TRAPPC10: variants seen among roughly 807,000 people sequenced by gnomAD.
TRAPPC10 encodes trafficking protein particle complex subunit 10.
A neutral mutation model predicts 125.5 loss-of-function variants in TRAPPC10; 23 were observed. The observed-to-expected ratio is 0.18, with a 90% confidence interval of 0.13 to 0.26. The LOEUF (loss-of-function observed/expected upper bound fraction) is 0.26, where lower values mean the gene tolerates loss of function less well. Among genes scored for constraint, TRAPPC10 ranks in the 10% least tolerant of loss-of-function variants. TRAPPC10 has a pLI of 1.00. For missense variants in TRAPPC10, 1,123 were observed against 1,308.4 expected (o/e 0.86, Z 2.19); for synonymous variants, 509 against 518.0 (o/e 0.98, Z 0.24).
chr21:44,036,606 A>G (rs2283640), intron 2 of TRAPPC10, among the ~76,000 whole-genome samples: 27,359 of 152,144 alleles, frequency 0.18, 3,110 homozygotes, highest in Non-Finnish European at 0.24. Context: ...GTGAATACAA[A>G]TATTTTCAGA....
In TRAPPC10 at chr21:44,092,000, G is replaced by A. The variant is rs267606147; in HGVS notation, c.2948G>A (p.Gly983Asp). The A allele has an allele frequency of 3.7e-6, 6 of 1,614,156 alleles. No homozygotes were observed. The highest frequency in any genetic ancestry group is 5.1e-6 in the Non-Finnish European group (6 of 1,180,024). Reference protein sequence around the residue: ...QLSDSYLVDTGDSTDLQLVPL... With the variant: ...QLSDSYLVDTDDSTDLQLVPL... The stretch of plus-strand genomic sequence containing the variant: ...TCAGATAGTTATCTTGTAGATACCG[G>A]TGATAGTACCGACCTGCAACTAGTA... The change falls in exon 19 of 23, where the codon GGT becomes GAT. Residue 983 changes from glycine to aspartate, a missense_variant. Coordinates refer to ENST00000291574, the MANE Select transcript of TRAPPC10 (RefSeq NM_003274.5).
intron 1 of TRAPPC10, among the ~76,000 whole-genome samples, chr21:44,026,713 C>T (rs114487281): frequency 9.4e-4 from 143 of 152,276 alleles, no homozygotes; most frequent in African/African-American, 3.2e-3. Flanking sequence ...ATCATGGAAC[C>T]TTGCTTGGAG....
Position 44,059,103 on chromosome 21 carries a change from G to T in TRAPPC10, c.679G>T (p.Glu227Ter), listed in dbSNP as rs1355082085. The change falls in exon 6 of 23, where the codon GAG becomes TAG. Residue 227 changes from glutamate (E) to a stop codon, truncating the protein, a stop_gained and splice_region_variant. Coordinates refer to ENST00000291574, the MANE Select transcript of TRAPPC10 (RefSeq NM_003274.5). LOFTEE classifies it high-confidence loss of function. The surrounding 1 kb of genome is among the most constrained non-coding windows in gnomAD (Gnocchi z 4.4). The stretch of plus-strand genomic sequence containing the variant: ...TAAAAAACGTATCTTGGGCGAATAG[G>T]AGGAGCTTGCCTTTGTTTTCGAGAT... Reference protein sequence around the residue: ...WSFCEYFMVQEELAFVFEMLQ... With the variant: ...WSFCEYFMVQ The T allele has an allele frequency of 1.3e-6, 2 of 1,587,168 alleles. No homozygotes were observed. The highest frequency in any genetic ancestry group is 1.4e-5 in the African/African-American group (1 of 73,428).
chr21:44,057,194 A>G lies in TRAPPC10; in HGVS notation c.678+1301A>G, dbSNP rs1482628628. ...AGAGGGAGAATGGGAATGAGTGTTTAATAAAGGACAGAGGTTCCGTTTGGG... is the reference window on the plus strand; with the variant it reads ...AGAGGGAGAATGGGAATGAGTGTTTGATAAAGGACAGAGGTTCCGTTTGGG... On this transcript the variant is annotated intron_variant, in intron 5 of 22. Coordinates refer to ENST00000291574, the MANE Select transcript of TRAPPC10 (RefSeq NM_003274.5). Among the ~76,000 whole-genome samples the G allele has an allele frequency of 2.0e-5, 3 of 152,108 alleles. No homozygotes were observed. The East Asian group carries it at 5.8e-4, about 29-fold the overall frequency.
intron 7 of TRAPPC10, among the ~76,000 whole-genome samples, chr21:44,068,565 AG>A (rs922645245): frequency 6.6e-6 from 1 of 152,188 alleles, no homozygotes; most frequent in African/African-American, 2.4e-5. Flanking sequence ...CCATAGTCCA[AG>A]GGAAAAGACG....
intron 1 of TRAPPC10, among the ~76,000 whole-genome samples, chr21:44,030,360 A>G (rs1410514491): frequency 1.3e-5 from 2 of 152,230 alleles, no homozygotes; most frequent in Non-Finnish European, 1.5e-5. Flanking sequence ...ATTTTTATAC[A>G]TTAATCTTGG....
intron 17 of TRAPPC10, chr21:44,088,656 A>T (rs2038314739): frequency 6.4e-6 from 1 of 155,652 alleles, no homozygotes; most frequent in East Asian, 1.9e-4. Context: ...ACTCACACAG[A>T]CGTTCACCAT....
At chr21:44,076,964 T>C (rs1473623119) in intron 10 of TRAPPC10, among the ~76,000 whole-genome samples, 1 of 152,228 alleles carries the variant, frequency 6.6e-6, no homozygotes, top group African/African-American at 2.4e-5. Context: ...AGCTATTGTA[T>C]TTGATTTTGA....
At chr21:44,090,726 C>T (rs1257182365) in intron 18 of TRAPPC10, among the ~76,000 whole-genome samples, 1 of 152,158 alleles carries the variant, frequency 6.6e-6, no homozygotes, top group African/African-American at 2.4e-5. Flanking sequence ...GGCCTCTCAC[C>T]ACAACTTTTT....
chr21:44,026,348 A>G (rs1331068201), intron 1 of TRAPPC10, among the ~76,000 whole-genome samples: 1 of 152,122 alleles, frequency 6.6e-6, no homozygotes, highest in Non-Finnish European at 1.5e-5. Flanking sequence ...ATTAATTTTC[A>G]TTACTGCCTC....
At position 44,094,206 on chromosome 21, in the gene TRAPPC10, T is replaced by C; in HGVS notation, c.3141T>C (p.Thr1047=). 1.2e-6 allele frequency: 2 copies of C among 1,610,508 alleles called. No individual in the cohort carries two copies. The highest frequency in any genetic ancestry group is 2.2e-5 in the South Asian group (2 of 90,028). Residue 1047 remains threonine, a synonymous_variant, in exon 20 of 23, where the codon ACT becomes ACC. Transcript: ENST00000291574. ...TGTCTATCTCCTTAAAGCCGTATACTTATGAATTTAAAGTGGAAAATTTTT... is the reference window on the plus strand; with the variant it reads ...TGTCTATCTCCTTAAAGCCGTATACCTATGAATTTAAAGTGGAAAATTTTT... The part of the protein sequence containing the change: ...EQLSISLKPY[T]YEFKVENFFT...
chr21:44,037,387 C>G (rs537217454), intron 2 of TRAPPC10, among the ~76,000 whole-genome samples: 4 of 152,148 alleles, frequency 2.6e-5, no homozygotes, highest in African/African-American at 9.7e-5. Context: ...TCCAAAAATA[C>G]GAATGCAACC....
chr21:44,074,492 G>A (rs1471507366), intron 8 of TRAPPC10, 22 bp downstream of exon 8: 7 of 1,613,906 alleles, frequency 4.3e-6, no homozygotes, highest in Non-Finnish European at 5.9e-6. Flanking sequence ...CCCAAGTGTG[G>A]AATGCTCACG....
chr21:44,012,419 G>T lies in TRAPPC10; in HGVS notation c.-75G>T. 1.0e-6 allele frequency: 1 copy of T among 975,122 alleles called. No individual in the cohort carries two copies. The highest frequency in any genetic ancestry group is 1.3e-6 in the Non-Finnish European group (1 of 796,952). 60.4% of individuals were successfully genotyped at this position (975,122 alleles called of 1,614,324 possible). A position where few individuals can be genotyped will look rare whatever the true frequency, so the allele number is the denominator to read the frequency against. On this transcript the variant is annotated 5_prime_UTR_variant, in exon 1 of 23. Transcript: ENST00000291574. ...GGCGGGCGGCGCCGCTCAGGCTCGG[G>T]CTCCGGCTGGGCCCGGCGCGGCCTC...
Position 44,063,900 on chromosome 21 carries a change from G to C in TRAPPC10, c.1038+115G>C. 1 of 1,391,608 alleles carries C rather than the reference G, an allele frequency of 7.2e-7. No individual in the cohort carries two copies. Among genetic ancestry groups the C allele is most frequent in the Non-Finnish European group, 9.7e-7 (1 of 1,034,412 alleles). 86.2% of individuals were successfully genotyped at this position (1,391,608 alleles called of 1,614,324 possible). ...TGCTTAAGAAAGGGTTTTCTTTTCTGAATGCCTTTAATTTTCAGTATATTG... is the reference window on the plus strand; with the variant it reads ...TGCTTAAGAAAGGGTTTTCTTTTCTCAATGCCTTTAATTTTCAGTATATTG... On this transcript the variant is annotated intron_variant, in intron 7 of 22. Transcript: ENST00000291574. The surrounding 1 kb of genome is among the most constrained non-coding windows in gnomAD (Gnocchi z 4.4).
In TRAPPC10 at chr21:44,055,647, G is replaced by A. The variant is rs769119362; in HGVS notation, c.483-51G>A. 86 of 1,422,858 alleles carry A rather than the reference G, an allele frequency of 6.0e-5. No homozygotes were observed. In the Middle Eastern group the frequency reaches 7.1e-4, roughly 12 times the overall value. 88.1% of individuals were successfully genotyped at this position (1,422,858 alleles called of 1,614,324 possible). A position where few individuals can be genotyped will look rare whatever the true frequency, so the allele number is the denominator to read the frequency against. ...AGGACAATGGCAGCTGCTGAGTCGT[G>A]GTGCTGTGCATGGAGGGTCTTTCCC... On this transcript the variant is annotated intron_variant, in intron 4 of 22. Coordinates refer to ENST00000291574, the MANE Select transcript of TRAPPC10 (RefSeq NM_003274.5).
At chr21:44,066,921 A>T (rs952482057) in intron 7 of TRAPPC10, among the ~76,000 whole-genome samples, 2 of 152,250 alleles carry the variant, frequency 1.3e-5, no homozygotes, top group African/African-American at 4.8e-5. Flanking sequence ...GGTAAGAAAA[A>T]AGTATGATAC....
At chr21:44,037,727 A>G (rs151295313) in intron 2 of TRAPPC10, 65 bp from the exon 3 acceptor site, 49 of 1,554,754 alleles carry the variant, frequency 3.2e-5, no homozygotes, top group South Asian at 1.5e-4. Context: ...TTGTTGTTCT[A>G]TTTCCCCTCT....
At chr21:44,052,128 A>G in intron 3 of TRAPPC10, 152 bp from the exon 4 acceptor site, 2 of 631,822 alleles carry the variant, frequency 3.2e-6, no homozygotes, top group Non-Finnish European at 5.2e-6. Flanking sequence ...CAGGCTTGCT[A>G]GGCCGCTGGG....
Sources: gnomAD v4.1 joint callset for allele counts (sites outside exome capture counted in the v4.1 genomes callset) on GRCh38, gnomAD v4.1.1 for gene constraint, Gnocchi (gnomAD v3.1) non-coding constraint, MANE v1.5 for transcripts, NCBI Gene and HGNC (gene_info 2026-07-23, HGNC 2026-07-21) for gene names.